Variants in UBTD1 observed in about 807,000 individuals in gnomAD.
UBTD1 encodes ubiquitin domain containing 1, also known as ubiquitin domain-containing protein 1.
UBTD1 carries 19 observed loss-of-function variants against 21.7 expected under a neutral mutation model. The ratio of observed to expected loss-of-function variants is 0.87; its 90% CI spans 0.61 to 1.28. The LOEUF (loss-of-function observed/expected upper bound fraction) is 1.28. UBTD1 is among the 50% of genes most tolerant of loss of function. The pLI is 0.00. For synonymous variants in UBTD1, 116 were observed against 135.1 expected, an observed-to-expected ratio of 0.86 and a Z score of 0.98; for missense variants, 282 against 315.1, an observed-to-expected ratio of 0.89 and a Z score of 0.80.
At chr10:97,535,611 T>C (rs990231153) in intron 1 of UBTD1, among the ~76,000 whole-genome samples, 7 of 151,752 alleles carry the variant, frequency 4.6e-5, no homozygotes, top group Non-Finnish European at 5.9e-5. Flanking sequence ...CAAGACTCTG[T>C]CTCAAAAAAG....
chr10:97,520,557 G>A (rs921878140), intron 1 of UBTD1, among the ~76,000 whole-genome samples: 2 of 152,136 alleles, frequency 1.3e-5, no homozygotes, highest in African/African-American at 4.8e-5. Context: ...AGAATTATGG[G>A]GTAGGAGAAA....
chr10:97,533,090 A>G (rs1330630881), intron 1 of UBTD1, among the ~76,000 whole-genome samples: 1 of 152,162 alleles, frequency 6.6e-6, no homozygotes, highest in Non-Finnish European at 1.5e-5. Flanking sequence ...CGGCGACAAG[A>G]TGCTCACTTG....
At chr10:97,521,886 GCTT>G (rs1434330932) in intron 1 of UBTD1, among the ~76,000 whole-genome samples, 1 of 152,218 alleles carries the variant, frequency 6.6e-6, no homozygotes, top group Non-Finnish European at 1.5e-5. Context: ...CTGGCCTTGG[GCTT>G]CTTGGAACTA....
intron 1 of UBTD1, among the ~76,000 whole-genome samples, chr10:97,511,739 C>G (rs10732780): frequency 6.6e-6 from 1 of 151,512 alleles, no homozygotes; most frequent in Non-Finnish European, 1.5e-5. Flanking sequence ...ATTTCCTAAG[C>G]CTTCACAGCA....
chr10:97,536,890 C>T lies in UBTD1; in HGVS notation c.71-31024C>T, dbSNP rs888320270. 7.9e-5 allele frequency among the ~76,000 whole-genome samples: 12 copies of T among 152,212 alleles called. No individual in the cohort carries two copies. The Middle Eastern group carries it at 0.01, about 129-fold the overall frequency. On this transcript the variant is annotated intron_variant, in intron 1 of 2. Coordinates refer to ENST00000370664, the MANE Select transcript of UBTD1 (RefSeq NM_024954.5). ...CATACATTCATTCATTCATTCAGCT[C>T]ACACAGGAGGAGGCACAGGGTGCAA...
At chr10:97,517,602 C>A (rs1370906111) in intron 1 of UBTD1, among the ~76,000 whole-genome samples, 3 of 152,190 alleles carry the variant, frequency 2.0e-5, no homozygotes, top group Non-Finnish European at 4.4e-5. Flanking sequence ...ACTGCAGTCA[C>A]TCGTGGCATG....
intron 1 of UBTD1, among the ~76,000 whole-genome samples, chr10:97,535,614 CAAAAA>C (rs1266978360): frequency 6.6e-6 from 1 of 151,536 alleles, no homozygotes; most frequent in African/African-American, 2.4e-5. Context: ...GACTCTGTCT[CAAAAA>C]AGAAAAAGAA....
intron 1 of UBTD1, among the ~76,000 whole-genome samples, chr10:97,563,608 A>T (rs768055694): frequency 3.3e-5 from 5 of 152,152 alleles, no homozygotes; most frequent in Non-Finnish European, 7.4e-5. Flanking sequence ...GTCAGCAAAG[A>T]TCATCTATCC....
At chr10:97,547,151 C>G (rs1228160331) in intron 1 of UBTD1, among the ~76,000 whole-genome samples, 1 of 152,208 alleles carries the variant, frequency 6.6e-6, no homozygotes, top group African/African-American at 2.4e-5. Flanking sequence ...GTCCCAGTGT[C>G]AGAAGTCAGG....
In UBTD1 at chr10:97,545,177, A is replaced by C. The variant is rs2040603128; in HGVS notation, c.71-22737A>C. On this transcript the variant is annotated intron_variant, in intron 1 of 2. Transcript: ENST00000370664. ...GTGAAACCCCATCTCTACTAAAAAT[A>C]CAAAAAAAAAAAAATTACCTGGGCA... 4.0e-5 allele frequency among the ~76,000 whole-genome samples: 6 copies of C among 151,396 alleles called. No homozygotes were observed. The South Asian group carries it at 1.3e-3, about 32-fold the overall frequency.
intron 1 of UBTD1, among the ~76,000 whole-genome samples, chr10:97,559,164 G>A (rs1206224569): frequency 1.3e-5 from 2 of 152,186 alleles, no homozygotes; most frequent in African/African-American, 2.4e-5. Context: ...GATGGCCCTC[G>A]GGGGCTGACC....
intron 1 of UBTD1, among the ~76,000 whole-genome samples, chr10:97,502,599 A>G (rs1239520365): frequency 6.6e-6 from 1 of 152,166 alleles, no homozygotes; most frequent in East Asian, 1.9e-4. Flanking sequence ...ATACAAGATC[A>G]TTAGAGCTGT....
chr10:97,510,251 CA>C (rs1236775823), intron 1 of UBTD1, among the ~76,000 whole-genome samples: 3 of 152,256 alleles, frequency 2.0e-5, no homozygotes, highest in Admixed American at 2.0e-4. Flanking sequence ...AGGCATGAGC[CA>C]CCTTGCCCAG....
intron 1 of UBTD1, among the ~76,000 whole-genome samples, chr10:97,524,740 T>G (rs1297441018): frequency 6.6e-6 from 1 of 152,200 alleles, no homozygotes; most frequent in Non-Finnish European, 1.5e-5. Flanking sequence ...CTCCTTGTGG[T>G]CACCTGGGAT....
chr10:97,536,990 G>C (rs1345955352), intron 1 of UBTD1, among the ~76,000 whole-genome samples: 1 of 152,120 alleles, frequency 6.6e-6, no homozygotes, highest in African/African-American at 2.4e-5. Flanking sequence ...AGGAAATGAT[G>C]GCAGAATTGG....
intron 1 of UBTD1, among the ~76,000 whole-genome samples, chr10:97,529,419 G>C (rs1264022583): frequency 6.6e-6 from 1 of 152,234 alleles, no homozygotes; most frequent in Non-Finnish European, 1.5e-5. Flanking sequence ...AGGCGGCTGG[G>C]AGGTGGAGGT....
chr10:97,539,274 C>T (rs1178932206), intron 1 of UBTD1, among the ~76,000 whole-genome samples: 2 of 152,178 alleles, frequency 1.3e-5, no homozygotes, highest in Non-Finnish European at 2.9e-5. Flanking sequence ...AGATAGGCTT[C>T]TTTCAAAGCC....
chr10:97,511,690 T>G (rs1350857577), intron 1 of UBTD1, among the ~76,000 whole-genome samples: 1 of 152,172 alleles, frequency 6.6e-6, no homozygotes, highest in Non-Finnish European at 1.5e-5. Context: ...GAAAGCGCTC[T>G]GTTCCCCCAA....
intron 1 of UBTD1, among the ~76,000 whole-genome samples, chr10:97,529,253 G>C (rs1281094034): frequency 6.7e-6 from 1 of 149,994 alleles, no homozygotes; most frequent in South Asian, 2.1e-4. Flanking sequence ...GATGGCGGCC[G>C]GGCAGAGACG....
Sources: gnomAD v4.1 joint callset for allele counts (sites outside exome capture counted in the v4.1 genomes callset) on GRCh38, gnomAD v4.1.1 for gene constraint, MANE v1.5 for transcripts, NCBI Gene and HGNC (gene_info 2026-07-23, HGNC 2026-07-21) for gene names.